TENM3: variants seen among roughly 807,000 people sequenced by gnomAD.
The protein encoded by TENM3 is teneurin-3.
In TENM3, 63 loss-of-function variants were observed where a neutral mutation model predicts 255.1. The ratio of observed to expected loss-of-function variants is 0.25; its 90% CI spans 0.20 to 0.30. The LOEUF (loss-of-function observed/expected upper bound fraction) is 0.30. Among genes scored for constraint, TENM3 ranks in the 10% least tolerant of loss-of-function variants. The pLI is 1.00. For missense variants in TENM3, 2,929 were observed against 3,461.1 expected (o/e 0.85, Z 3.86); for synonymous variants, 1,306 against 1,322.3 (o/e 0.99, Z 0.27).
intron 1 of TENM3, among the ~76,000 whole-genome samples, chr4:182,262,670 G>A (rs1054373665): frequency 6.6e-6 from 1 of 151,940 alleles, no homozygotes; most frequent in South Asian, 2.1e-4. Flanking sequence ...AGCAGCCCAC[G>A]GGGCTGCTCT....
chr4:182,662,958 C>G (rs114036264), intron 6 of TENM3, among the ~76,000 whole-genome samples: 2,363 of 152,268 alleles, frequency 0.016, 66 homozygotes, highest in African/African-American at 0.054. Context: ...AACCCTAGTC[C>G]CCTGTATTCA....
chr4:181,890,332 C>T, the TENM3 span, among the ~76,000 whole-genome samples: 3 of 151,990 alleles, frequency 2.0e-5, no homozygotes, highest in Non-Finnish European at 2.9e-5. Context: ...ACAGGTTACC[C>T]GATGGCCAGA....
At chr4:181,541,253 T>C in the TENM3 span, among the ~76,000 whole-genome samples, 1 of 151,988 alleles carries the variant, frequency 6.6e-6, no homozygotes, top group Admixed American at 6.6e-5. Flanking sequence ...CATGGTGGCA[T>C]GCACTTGTAT....
chr4:181,878,443 C>T, the TENM3 span, among the ~76,000 whole-genome samples: 1 of 152,114 alleles, frequency 6.6e-6, no homozygotes, highest in African/African-American at 2.4e-5. Context: ...TGTGTATTAA[C>T]CTATTCGACT....
chr4:181,462,758 A>G, the TENM3 span, among the ~76,000 whole-genome samples: 1 of 152,168 alleles, frequency 6.6e-6, no homozygotes, highest in Non-Finnish European at 1.5e-5. Flanking sequence ...AGCTGAGTCA[A>G]GTTCCCACTC....
At chr4:182,030,202 A>T in the TENM3 span, among the ~76,000 whole-genome samples, 88 of 152,064 alleles carry the variant, frequency 5.8e-4, no homozygotes, top group African/African-American at 2.0e-3. Context: ...CCCAGCATGC[A>T]TTAGCTATTT....
chr4:182,602,071 T>C (rs952359240), intron 4 of TENM3, among the ~76,000 whole-genome samples: 9 of 152,260 alleles, frequency 5.9e-5, no homozygotes, highest in Non-Finnish European at 1.3e-4. Flanking sequence ...CAGGATCTCC[T>C]GGCATATAAA....
chr4:181,752,254 G>A, the TENM3 span, among the ~76,000 whole-genome samples: 59,047 of 152,040 alleles, frequency 0.39, 11,795 homozygotes, highest in African/African-American at 0.49. Flanking sequence ...TCGTTACTAC[G>A]TTTAGATTTT....
intron 3 of TENM3, among the ~76,000 whole-genome samples, chr4:182,381,664 T>C (rs1005100061): frequency 1.3e-5 from 2 of 150,796 alleles, no homozygotes; most frequent in Non-Finnish European, 1.5e-5. Flanking sequence ...AGCGTTCAAG[T>C]GATTCTCCTG....
the TENM3 span, among the ~76,000 whole-genome samples, chr4:181,534,870 CG>C: frequency 1.3e-5 from 2 of 152,120 alleles, no homozygotes; most frequent in Non-Finnish European, 2.9e-5. Flanking sequence ...TTGTAACTTC[CG>C]ATTTTATATC....
At chr4:181,530,103 G>A in the TENM3 span, among the ~76,000 whole-genome samples, 1 of 152,050 alleles carries the variant, frequency 6.6e-6, no homozygotes, top group South Asian at 2.1e-4. Context: ...CCAAATGAAA[G>A]AGCACTTTTT....
At position 182,694,653 on chromosome 4, in the gene TENM3, T is replaced by A. The variant is rs80092794; in HGVS notation, c.2221+6302T>A. ...CATTAGGAAACAAGATCATTAATGA[T>A]CACAAAGACATGCTTTGTTTGCTCA... On this transcript the variant is annotated intron_variant, in intron 12 of 27. Coordinates refer to ENST00000511685, the MANE Select transcript of TENM3 (RefSeq NM_001080477.4). Among the ~76,000 whole-genome samples, 18 of 152,336 alleles carry A rather than the reference T, an allele frequency of 1.2e-4. No individual in the cohort carries two copies. In the East Asian group the frequency reaches 3.5e-3, roughly 29 times the overall value.
chr4:181,780,249 A>G, the TENM3 span, among the ~76,000 whole-genome samples: 3 of 152,206 alleles, frequency 2.0e-5, no homozygotes, highest in African/African-American at 7.2e-5. Flanking sequence ...TTACAGTCCC[A>G]CCAACAGTGT....
chr4:182,649,335 G>A (rs1170442287), intron 5 of TENM3, among the ~76,000 whole-genome samples: 1 of 150,386 alleles, frequency 6.6e-6, no homozygotes, highest in African/African-American at 2.4e-5. Context: ...GGACTTCAAG[G>A]TTTTTTAAAT....
chr4:182,117,212 A>G, the TENM3 span, among the ~76,000 whole-genome samples: 2 of 152,152 alleles, frequency 1.3e-5, no homozygotes, highest in Non-Finnish European at 2.9e-5. Context: ...GTCTTCTGCA[A>G]ATATCTTCTA....
intron 3 of TENM3, among the ~76,000 whole-genome samples, chr4:182,383,230 A>T (rs1767688418): frequency 6.6e-6 from 1 of 152,106 alleles, no homozygotes. Context: ...TAGGCCAAGG[A>T]CTTATACATC....
At chr4:182,464,738 A>G (rs1294653991) in intron 3 of TENM3, among the ~76,000 whole-genome samples, 2 of 152,206 alleles carry the variant, frequency 1.3e-5, no homozygotes, top group Non-Finnish European at 2.9e-5. Context: ...TATCAGAGAA[A>G]TATGTTTATG....
At chr4:181,671,936 C>A in the TENM3 span, among the ~76,000 whole-genome samples, 2 of 152,222 alleles carry the variant, frequency 1.3e-5, no homozygotes, top group East Asian at 1.9e-4. Context: ...TCAAGACTGA[C>A]TAGGAATAGG....
At chr4:182,359,887 T>C (rs1765838608) in intron 3 of TENM3, among the ~76,000 whole-genome samples, 1 of 150,302 alleles carries the variant, frequency 6.7e-6, no homozygotes, top group Non-Finnish European at 1.5e-5. Context: ...TACACACTGC[T>C]TTGAATGCGT....
Sources: gnomAD v4.1 joint callset for allele counts (sites outside exome capture counted in the v4.1 genomes callset) on GRCh38, gnomAD v4.1.1 for gene constraint, MANE v1.5 for transcripts, NCBI Gene and HGNC (gene_info 2026-07-23, HGNC 2026-07-21) for gene names.